CCNJL: variants seen among roughly 807,000 people sequenced by gnomAD.
The protein encoded by CCNJL is cyclin J like.
In CCNJL, 33 loss-of-function variants were observed where a neutral mutation model predicts 33.4. The ratio of observed to expected loss-of-function variants is 0.99; its 90% CI spans 0.75 to 1.32. The LOEUF is 1.32. Ranked by LOEUF, CCNJL falls within the 40% of genes most tolerant of loss-of-function variation. The pLI is 0.00. For missense variants in CCNJL, 512 were observed against 499.7 expected (o/e 1.02, Z -0.23); for synonymous variants, 227 against 220.9 (o/e 1.03, Z -0.24).
At chr5:160,315,398 T>A (rs1763370343), upstream of CCNJL, 1 of 432,580 alleles carries the variant, frequency 2.3e-6, no homozygotes, top group African/African-American at 2.2e-5. Flanking sequence ...TCTTAGCTGC[T>A]CAGAAAGCTG....
At chr5:160,266,344 T>C (rs1761586435) in intron 3 of CCNJL, among the ~76,000 whole-genome samples, 1 of 152,258 alleles carries the variant, frequency 6.6e-6, no homozygotes, top group Non-Finnish European at 1.5e-5. Flanking sequence ...ATGCTAATGC[T>C]TTTTTCTCTC....
chr5:160,306,734 C>T (rs941456021), intron 2 of CCNJL, among the ~76,000 whole-genome samples: 5 of 152,148 alleles, frequency 3.3e-5, no homozygotes, highest in Non-Finnish European at 4.4e-5. Context: ...CAAAAGGAGA[C>T]GAGTGCAAGT....
intron 4 of CCNJL, among the ~76,000 whole-genome samples, chr5:160,256,048 C>G (rs1237010663): frequency 6.6e-6 from 1 of 152,122 alleles, no homozygotes; most frequent in Non-Finnish European, 1.5e-5. Flanking sequence ...ACAAACACAT[C>G]TGGCTAATTT....
At chr5:160,319,767 A>AT (rs559161201) in intron 1 of CCNJL, among the ~76,000 whole-genome samples, 96 of 151,874 alleles carry the variant, frequency 6.3e-4, no homozygotes, top group African/African-American at 2.1e-3. Context: ...CGTTTCTACA[A>AT]TTTTTTTTGT....
chr5:160,283,017 A>G (rs1396167817), intron 2 of CCNJL, among the ~76,000 whole-genome samples: 2 of 101,236 alleles, frequency 2.0e-5, no homozygotes, highest in East Asian at 6.5e-4. Context: ...ATACATATAT[A>G]TATATATATA....
chr5:160,269,798 T>C (rs1322681595), intron 3 of CCNJL, among the ~76,000 whole-genome samples: 2 of 152,180 alleles, frequency 1.3e-5, no homozygotes, highest in Non-Finnish European at 2.9e-5. Context: ...ACTAGGGCCA[T>C]AGTTGTACAG....
chr5:160,270,775 T>C (rs1457131161), intron 3 of CCNJL, among the ~76,000 whole-genome samples: 1 of 152,216 alleles, frequency 6.6e-6, no homozygotes, highest in Admixed American at 6.5e-5. Flanking sequence ...ACTCTCCTGC[T>C]GATAAAAACA....
At chr5:160,337,947 T>C (rs1402578656) in intron 1 of CCNJL, among the ~76,000 whole-genome samples, 1 of 152,178 alleles carries the variant, frequency 6.6e-6, no homozygotes, top group Admixed American at 6.5e-5. Flanking sequence ...TTTGGGACTT[T>C]CAGGGCTCAC....
At chr5:160,288,757 G>T (rs1015861069) in intron 2 of CCNJL, among the ~76,000 whole-genome samples, 1 of 151,400 alleles carries the variant, frequency 6.6e-6, no homozygotes, top group Non-Finnish European at 1.5e-5. Flanking sequence ...ATGAACCCGG[G>T]GGGGCGGAGC....
intron 2 of CCNJL, among the ~76,000 whole-genome samples, chr5:160,285,895 C>G (rs1392525688): frequency 1.3e-5 from 2 of 152,240 alleles, no homozygotes; most frequent in Non-Finnish European, 2.9e-5. Context: ...TAAGGCCAGA[C>G]AGCTGGTAGC....
In CCNJL at chr5:160,249,173, G is replaced by A. The variant is rs1347611967; in HGVS notation, c.*4205C>T. On this transcript the variant is annotated 3_prime_UTR_variant, in exon 6 of 6. Transcript: ENST00000257536. ...CATTTGCTCCCATTTGAACCATGCT[G>A]CCTCTGAAACTTAATTACATCCAGA... 2.6e-5 allele frequency: 4 copies of A among 152,174 alleles called. No homozygotes were observed. Among genetic ancestry groups the A allele is most frequent in the Admixed American group, 6.5e-5 (1 of 15,268 alleles). 9.4% of individuals were successfully genotyped at this position (152,174 alleles called of 1,614,324 possible). A position where few individuals can be genotyped will look rare whatever the true frequency, so the allele number is the denominator to read the frequency against.
At chr5:160,337,067 G>A (rs1282567040) in intron 1 of CCNJL, among the ~76,000 whole-genome samples, 4 of 136,124 alleles carry the variant, frequency 2.9e-5, no homozygotes, top group Non-Finnish European at 4.6e-5. Flanking sequence ...GCAGTGGCAC[G>A]ATCATGGACT....
At chr5:160,268,686 T>C (rs765997011) in intron 3 of CCNJL, among the ~76,000 whole-genome samples, 3 of 152,174 alleles carry the variant, frequency 2.0e-5, no homozygotes, top group Non-Finnish European at 4.4e-5. Context: ...AGCCTCCCCT[T>C]AAGTCCCCTT....
intron 2 of CCNJL, among the ~76,000 whole-genome samples, chr5:160,291,372 C>T (rs943532488): frequency 2.0e-5 from 3 of 152,300 alleles, no homozygotes; most frequent in South Asian, 2.1e-4. Context: ...GGCGAAACAT[C>T]GCATACTACA....
chr5:160,321,903 A>G (rs556577959), intron 1 of CCNJL, among the ~76,000 whole-genome samples: 3 of 152,178 alleles, frequency 2.0e-5, no homozygotes, highest in African/African-American at 4.8e-5. Context: ...ACCTCCCCCA[A>G]CCCTGCCCCC....
rs138792409 is a variant in CCNJL, at chr5:160,293,810, G to C, written c.67-13072C>G. On this transcript the variant is annotated intron_variant, in intron 2 of 5. Transcript: ENST00000257536. ...TCTTGGGCTTGGACATCAGAGGAGCGGGCCAGGGCTTGGGGTATGACAATA... is the reference window on the plus strand; with the variant it reads ...TCTTGGGCTTGGACATCAGAGGAGCCGGCCAGGGCTTGGGGTATGACAATA... Among the ~76,000 whole-genome samples the C allele has an allele frequency of 1.6e-3, 238 of 152,274 alleles. 1 individual carries two copies. The highest frequency in any genetic ancestry group is 5.5e-3 in the African/African-American group (229 of 41,526).
chr5:160,258,548 T>C, intron 4 of CCNJL: 1 of 1,521,458 alleles, frequency 6.6e-7, no homozygotes, highest in South Asian at 1.1e-5. Context: ...AAAGAGGTTA[T>C]TCGGGAAAGA....
At position 160,251,263 on chromosome 5, in the gene CCNJL, C is replaced by A. The variant is rs1054660174; in HGVS notation, c.*2115G>T. 1 of 152,212 alleles carries A rather than the reference C, an allele frequency of 6.6e-6. No homozygotes were observed. Among genetic ancestry groups the A allele is most frequent in the Non-Finnish European group, 1.5e-5 (1 of 68,038 alleles). The allele number at this position is 152,212 out of a possible 1,614,324, so 9.4% of individuals were successfully genotyped here. On this transcript the variant is annotated 3_prime_UTR_variant, in exon 6 of 6. Transcript: ENST00000257536. ...CATGCCTGAGTTTCCAGCCTGTGGG[C>A]CTGCCCTACAGATTTTGAACTCTAC...
At chr5:160,260,601 G>A (rs762050033) in intron 3 of CCNJL, among the ~76,000 whole-genome samples, 1 of 152,040 alleles carries the variant, frequency 6.6e-6, no homozygotes, top group Non-Finnish European at 1.5e-5. Context: ...GTGCCCTGAG[G>A]GTCAAGACTC....
Sources: allele counts gnomAD v4.1 joint callset (sites outside exome capture counted in the v4.1 genomes callset), GRCh38; gene constraint gnomAD v4.1.1; transcripts MANE v1.5; gene names NCBI Gene and HGNC (gene_info 2026-07-23, HGNC 2026-07-21).